CREB3L3: variants seen among roughly 807,000 people sequenced by gnomAD.
CREB3L3 encodes the protein cyclic AMP-responsive element-binding protein 3-like protein 3.
In CREB3L3, 40 loss-of-function variants were observed where a neutral mutation model predicts 44.6. The observed-to-expected ratio is 0.90, with a 90% CI of 0.70 to 1.17. The LOEUF is 1.17. Among genes scored for constraint, CREB3L3 ranks in the 50% most tolerant of loss-of-function variants. The pLI is 0.00. For missense variants in CREB3L3, 578 were observed against 595.8 expected, an observed-to-expected ratio of 0.97 and a Z score of 0.31; for synonymous variants, 273 against 256.3, an observed-to-expected ratio of 1.06 and a Z score of -0.62.
chr19:4,154,775 TG>T, intron 1 of CREB3L3, 123 bp from the exon 2 acceptor site: 1 of 1,423,098 alleles, frequency 7.0e-7, no homozygotes, highest in Non-Finnish European at 9.8e-7. Context: ...GGGCAGCAGC[TG>T]GCCCAACCCG....
chr19:4,171,846 C>T lies in CREB3L3; in HGVS notation c.1263C>T (p.Ala421=). The change falls in exon 10 of 10, where the codon GCC becomes GCT. Residue 421 remains alanine, a synonymous_variant. Coordinates refer to ENST00000078445, the MANE Select transcript of CREB3L3 (RefSeq NM_032607.3). This position sits in a 1 kb window ranked among gnomAD's most constrained non-coding sequence, Gnocchi z 4.9. ...LTNSTEELDN[A]TLVLRNATEG... is the part of the protein sequence containing the mutation. ...ATTCGACGGAGGAGCTGGACAACGC[C>T]ACCCTGGTCCTGAGGAATGCAACAG... The T allele has an allele frequency of 6.2e-7, 1 of 1,613,662 alleles. No individual in the cohort carries two copies. The highest frequency in any genetic ancestry group is 2.2e-5 in the East Asian group (1 of 44,882).
intron 6 of CREB3L3, 27 bp downstream of exon 6, chr19:4,168,484 C>T (rs368332314): frequency 1.9e-6 from 3 of 1,548,904 alleles, no homozygotes; most frequent in African/African-American, 2.7e-5. Flanking sequence ...CCAGACTCTA[C>T]ACTCGTGGAG....
chr19:4,163,967 G>C (rs2041693720), intron 4 of CREB3L3, among the ~76,000 whole-genome samples: 1 of 144,166 alleles, frequency 6.9e-6, no homozygotes, highest in Non-Finnish European at 1.5e-5. Flanking sequence ...CCATGGTCGG[G>C]TAATTTTTTT....
Position 4,168,379 on chromosome 19 carries a change from G to A in CREB3L3, c.743G>A (p.Arg248His), listed in dbSNP as rs750605957. 50 of 1,610,692 alleles carry A rather than the reference G, an allele frequency of 3.1e-5. No homozygotes were observed. In the South Asian group the frequency reaches 3.8e-4, roughly 12 times the overall value. Residue 248 changes from arginine to histidine, a missense_variant, in exon 6 of 10, where the codon CGC becomes CAC. Arg to His is a conservative substitution (Grantham distance 29, BLOSUM62 0). Coordinates refer to ENST00000078445, the MANE Select transcript of CREB3L3 (RefSeq NM_032607.3). ...GAGGAGCGAGTGCTGAAAAAAATCCGCCGGAAAATCCGGAACAAGCAGTCG... is the reference window on the plus strand; with the variant it reads ...GAGGAGCGAGTGCTGAAAAAAATCCACCGGAAAATCCGGAACAAGCAGTCG... ...KYEERVLKKI[R>H]RKIRNKQSAQ...
chr19:4,155,955 G>A (rs924773666), intron 2 of CREB3L3, among the ~76,000 whole-genome samples: 1 of 151,294 alleles, frequency 6.6e-6, no homozygotes, highest in Non-Finnish European at 1.5e-5. Context: ...CACCATGTTG[G>A]CCAGGCTGGT....
intron 7 of CREB3L3, among the ~76,000 whole-genome samples, chr19:4,170,505 G>A (rs1329937052): frequency 1.3e-5 from 2 of 151,960 alleles, no homozygotes; most frequent in Non-Finnish European, 2.9e-5. Flanking sequence ...CCAGCTACTC[G>A]AGAGGCTGAG....
chr19:4,162,195 G>A (rs1358455918), intron 4 of CREB3L3, among the ~76,000 whole-genome samples: 1 of 151,918 alleles, frequency 6.6e-6, no homozygotes, highest in African/African-American at 2.4e-5. Context: ...TAGTAGAGAC[G>A]GGGTTTCACC....
At chr19:4,167,352 A>AAG (rs1555703934) in intron 5 of CREB3L3, among the ~76,000 whole-genome samples, 152 of 130,218 alleles carry the variant, frequency 1.2e-3, no homozygotes, top group South Asian at 9.4e-3. Context: ...GAAAGAAAGA[A>AAG]AGAGAGAGAG....
Position 4,172,825 on chromosome 19 carries a change from A to G in CREB3L3, c.*856A>G, listed in dbSNP as rs931345514. The stretch of plus-strand genomic sequence containing the variant: ...TGGACAGACAGGCAGACGTAGTCTG[A>G]AACAGACCTGAACAGACAGACAGAC... On this transcript the variant is annotated 3_prime_UTR_variant, in exon 10 of 10. Transcript: ENST00000078445. 1.2e-5 allele frequency: 2 copies of G among 164,010 alleles called. No individual in the cohort carries two copies. The highest frequency in any genetic ancestry group is 1.9e-4 in the East Asian group (1 of 5,308). 10.2% of individuals were successfully genotyped at this position (164,010 alleles called of 1,614,324 possible).
chr19:4,157,874 G>A (rs915475439), intron 3 of CREB3L3, among the ~76,000 whole-genome samples: 3 of 151,742 alleles, frequency 2.0e-5, no homozygotes, highest in African/African-American at 7.3e-5. Flanking sequence ...TAGTAGAGAC[G>A]AGGTTTCACC....
intron 1 of CREB3L3, among the ~76,000 whole-genome samples, 197 bp downstream of exon 1, chr19:4,153,971 C>A (rs1385116977): frequency 6.6e-6 from 1 of 152,178 alleles, no homozygotes; most frequent in African/African-American, 2.4e-5. Flanking sequence ...GTCCCCCTGC[C>A]TCCTAGGAGC....
At chr19:4,160,411 G>A (rs183078009) in intron 4 of CREB3L3, among the ~76,000 whole-genome samples, 3 of 151,604 alleles carry the variant, frequency 2.0e-5, no homozygotes, top group East Asian at 3.9e-4. Flanking sequence ...TCACTCTATC[G>A]CCCAGGCTGG....
At chr19:4,161,194 C>T (rs1004154583) in intron 4 of CREB3L3, among the ~76,000 whole-genome samples, 4 of 152,140 alleles carry the variant, frequency 2.6e-5, no homozygotes, top group African/African-American at 9.7e-5. Flanking sequence ...GATCTCCTGA[C>T]CTCGTGATCT....
chr19:4,171,168 G>A lies in CREB3L3; in HGVS notation c.968G>A (p.Cys323Tyr). 6.2e-7 allele frequency: 1 copy of A among 1,614,066 alleles called. No homozygotes were observed. Among genetic ancestry groups the A allele is most frequent in the South Asian group, 1.1e-5 (1 of 91,080 alleles). Reference sequence around the variant, plus strand: ...AGCAAGTCAGCCCAGACAGGCACCTGTGTCGCAGTGAGTCCTGGTGCCCCC... The same window carrying A: ...AGCAAGTCAGCCCAGACAGGCACCTATGTCGCAGTGAGTCCTGGTGCCCCC... ...STSKSAQTGT[C>Y]VAVLLLSFAL... Residue 323 changes from cysteine (C) to tyrosine (Y), a missense_variant, in exon 8 of 10, where the codon TGT (cysteine) becomes TAT (tyrosine). Physicochemically the swap from Cys to Tyr is radical, Grantham distance 194 (BLOSUM62 -2). Coordinates refer to ENST00000078445, the MANE Select transcript of CREB3L3 (RefSeq NM_032607.3). This position sits in a 1 kb window ranked among gnomAD's most constrained non-coding sequence, Gnocchi z 4.9.
Position 4,171,706 on chromosome 19 carries a change from G to A in CREB3L3, c.1123G>A (p.Ala375Thr), listed in dbSNP as rs759936269. ...TGCTGCCTCCCGCGTGGCTGCTGAT[G>A]CTGTGCCAGGCTCCGAGGCCCCAGG... is the stretch of plus-strand genomic sequence containing the variant. ...NDAASRVAAD[A>T]VPGSEAPGPR... Residue 375 changes from alanine to threonine, a missense_variant, in exon 10 of 10, where the codon GCT (alanine) becomes ACT (threonine). Ala to Thr is a moderately conservative substitution (Grantham distance 58, BLOSUM62 0). Transcript: ENST00000078445. This position sits in a 1 kb window ranked among gnomAD's most constrained non-coding sequence, Gnocchi z 4.9. The A allele has an allele frequency of 1.9e-5, 31 of 1,613,332 alleles. No individual in the cohort carries two copies. The South Asian group carries it at 3.4e-4, about 18-fold the overall frequency.
rs35783380 is a variant in CREB3L3, at chr19:4,166,421, ATTTT to A, written c.714+1801_714+1804del. ...AGGCACGCGCCACCACGCCTGGCTAATTTTTTTTTTTTTTTTTTTTTTTGAGTAG... is the reference window on the plus strand; with the variant it reads ...AGGCACGCGCCACCACGCCTGGCTAATTTTTTTTTTTTTTTTTTTGAGTAG... On this transcript the variant is annotated intron_variant, in intron 5 of 9. Transcript: ENST00000078445. 5.0e-3 allele frequency among the ~76,000 whole-genome samples: 520 copies of A among 103,750 alleles called. 1 individual carries two copies. Among genetic ancestry groups the A allele is most frequent in the African/African-American group, 0.019 (498 of 26,234 alleles). 68.1% of individuals were successfully genotyped at this position (103,750 alleles called of 152,430 possible). A position where few individuals can be genotyped will look rare whatever the true frequency, so the allele number is the denominator to read the frequency against.
Position 4,170,923 on chromosome 19 carries a change from A to AAATG in CREB3L3, c.891-165_891-164insGAAT, listed in dbSNP as rs141115590. Among the ~76,000 whole-genome samples the AAATG allele has an allele frequency of 0.23, 35,592 of 151,500 alleles. 4,453 individuals carry two copies. Among genetic ancestry groups the AAATG allele is most frequent in the African/African-American group, 0.32 (13,159 of 41,306 alleles). On this transcript the variant is annotated intron_variant, in intron 7 of 9. Transcript: ENST00000078445. ...AGACTCTGTCTCAAAATAAATAAAT[A>AAATG]AATAAATAAACAAATAAATAAATAA... is the stretch of plus-strand genomic sequence containing the variant.
At chr19:4,169,523 G>A (rs1966995661) in intron 6 of CREB3L3, among the ~76,000 whole-genome samples, 2 of 150,214 alleles carry the variant, frequency 1.3e-5, no homozygotes, top group Non-Finnish European at 2.9e-5. Context: ...CTCCCAGGAT[G>A]CCTGGTTGTC....
At chr19:4,160,972 C>G (rs568332933) in intron 4 of CREB3L3, among the ~76,000 whole-genome samples, 1 of 144,688 alleles carries the variant, frequency 6.9e-6, no homozygotes, top group African/African-American at 2.6e-5. Context: ...AGTGCAGTGG[C>G]GTGATCTCGG....
Sources: allele counts gnomAD v4.1 joint callset (sites outside exome capture counted in the v4.1 genomes callset), GRCh38; gene constraint gnomAD v4.1.1; non-coding constraint Gnocchi (gnomAD v3.1); transcripts MANE v1.5; gene names NCBI Gene and HGNC (gene_info 2026-07-23, HGNC 2026-07-21).